MALRD1: variants seen among roughly 807,000 people sequenced by gnomAD.
The protein encoded by MALRD1 is MAM and LDL receptor class A domain containing 1, also known as MAM and LDL-receptor class A domain-containing protein 1.
In MALRD1, 247 loss-of-function variants were observed where a neutral mutation model predicts 242.1. The ratio of observed to expected loss-of-function variants is 1.02; its 90% CI spans 0.92 to 1.13. The LOEUF (loss-of-function observed/expected upper bound fraction) is 1.13. Ranked by LOEUF, MALRD1 falls within the 50% of genes most tolerant of loss-of-function variation. The pLI, the probability that MALRD1 is intolerant of heterozygous loss-of-function variation, is 0.00. For missense variants in MALRD1, 2,989 were observed against 2,533.1 expected, an observed-to-expected ratio of 1.18 and a Z score of -3.86; for synonymous variants, 995 against 866.6, an observed-to-expected ratio of 1.15 and a Z score of -2.60.
chr10:19,141,258 C>T (rs1350216655), intron 10 of MALRD1, among the ~76,000 whole-genome samples: 3 of 152,104 alleles, frequency 2.0e-5, no homozygotes, highest in East Asian at 1.9e-4. Context: ...ACCTTGAAGA[C>T]GTTAAGTGAA....
intron 36 of MALRD1, among the ~76,000 whole-genome samples, chr10:19,640,906 T>G (rs1840355435): frequency 1.3e-5 from 2 of 152,156 alleles, no homozygotes; most frequent in South Asian, 4.1e-4. Context: ...ATAATGGAGT[T>G]TTGTATATGA....
At chr10:19,078,093 C>T (rs978412765) in intron 2 of MALRD1, among the ~76,000 whole-genome samples, 9 of 151,598 alleles carry the variant, frequency 5.9e-5, no homozygotes, top group Admixed American at 2.6e-4. Context: ...TAAACGTCAG[C>T]TATTATCATT....
rs1022963865 is a variant in MALRD1, at chr10:19,387,603, A to G, written c.4517A>G (p.Asp1506Gly). Residue 1506 changes from aspartate (D) to glycine (G), a missense_variant, in exon 27 of 40, where the codon GAT (aspartate) becomes GGT (glycine). By Grantham distance (94) the Asp-to-Gly change is moderately conservative. Coordinates refer to ENST00000454679, the MANE Select transcript of MALRD1 (RefSeq NM_001142308.3). ...YRLEQSCNFV[D>G]NCGDNTDENE... ...CTGGAACAAAGCTGTAACTTCGTAG[A>G]TAACTGTGGAGATAATACTGATGAA... 1.3e-6 allele frequency: 2 copies of G among 1,550,422 alleles called. No homozygotes were observed. The highest frequency in any genetic ancestry group is 1.7e-6 in the Non-Finnish European group (2 of 1,146,890).
intron 38 of MALRD1, among the ~76,000 whole-genome samples, chr10:19,724,057 C>T (rs1373959543): frequency 6.6e-6 from 1 of 152,032 alleles, no homozygotes; most frequent in Non-Finnish European, 1.5e-5. Context: ...GACTCTGTCT[C>T]TAAAAATAAA....
chr10:19,432,175 T>C (rs2496098), intron 28 of MALRD1, among the ~76,000 whole-genome samples: 94,002 of 151,964 alleles, frequency 0.62, 29,269 homozygotes, highest in Middle Eastern at 0.7. Context: ...ATAACTTTGT[T>C]AGAGCAATGA....
At position 19,057,174 on chromosome 10, in the gene MALRD1, C is replaced by T. The variant is rs185338884; in HGVS notation, c.199+8037C>T. Among the ~76,000 whole-genome samples, 19 of 152,238 alleles carry T rather than the reference C, an allele frequency of 1.2e-4. 1 individual carries two copies. The East Asian group carries it at 3.1e-3, about 25-fold the overall frequency. On this transcript the variant is annotated intron_variant, in intron 1 of 39. Transcript: ENST00000454679. The stretch of plus-strand genomic sequence containing the variant: ...CCATCTGGCTTTATTATCAAGGTAA[C>T]GCTGGTCTCATAAAATGACTTTTTA...
At chr10:19,171,654 ATGTCTATGTG>A (rs1834961438) in intron 13 of MALRD1, among the ~76,000 whole-genome samples, 1 of 126,340 alleles carries the variant, frequency 7.9e-6, no homozygotes, top group Non-Finnish European at 1.7e-5. Context: ...ACACATATAT[ATGTCTATGTG>A]TGTATATAAA....
chr10:19,194,460 T>TG (rs771603811), intron 14 of MALRD1, among the ~76,000 whole-genome samples: 55 of 152,314 alleles, frequency 3.6e-4, no homozygotes, highest in South Asian at 6.2e-4. Context: ...CAGGCAGCCT[T>TG]GATTTCTTCA....
At chr10:19,385,298 G>C (rs1448892215) in intron 26 of MALRD1, among the ~76,000 whole-genome samples, 1 of 151,922 alleles carries the variant, frequency 6.6e-6, no homozygotes, top group Admixed American at 6.6e-5. Context: ...TCAATTTTTT[G>C]GAAGAGTTTG....
intron 36 of MALRD1, among the ~76,000 whole-genome samples, chr10:19,642,198 A>G (rs1434439365): frequency 6.6e-6 from 1 of 152,178 alleles, no homozygotes; most frequent in Non-Finnish European, 1.5e-5. Flanking sequence ...TAGAAACCAG[A>G]TGACAGACTA....
intron 8 of MALRD1, among the ~76,000 whole-genome samples, chr10:19,129,558 C>G (rs891714408): frequency 2.6e-5 from 4 of 151,976 alleles, no homozygotes; most frequent in Non-Finnish European, 5.9e-5. Flanking sequence ...CCCCTCTCTT[C>G]TTCCCCAAAG....
chr10:19,402,636 C>CA (rs1333615783), intron 28 of MALRD1, among the ~76,000 whole-genome samples: 11 of 151,708 alleles, frequency 7.3e-5, no homozygotes, highest in Admixed American at 4.6e-4. Flanking sequence ...TACCCTATCT[C>CA]CAAAAAAATG....
At chr10:19,094,420 A>G (rs918268290) in intron 4 of MALRD1, among the ~76,000 whole-genome samples, 3 of 146,482 alleles carry the variant, frequency 2.0e-5, no homozygotes, top group African/African-American at 7.7e-5. Context: ...TGCGCTTCCC[A>G]GGTGAGGCAA....
At chr10:19,195,674 C>T (rs560302862) in intron 14 of MALRD1, among the ~76,000 whole-genome samples, 1 of 152,262 alleles carries the variant, frequency 6.6e-6, no homozygotes, top group South Asian at 2.1e-4. Context: ...ACTTTGTACT[C>T]ATCTTTAACT....
At chr10:19,231,276 A>G (rs556502239) in intron 18 of MALRD1, among the ~76,000 whole-genome samples, 1 of 152,222 alleles carries the variant, frequency 6.6e-6, no homozygotes, top group Admixed American at 6.5e-5. Context: ...CTCACATCTC[A>G]ACTCCCTTTA....
At chr10:19,051,756 A>G (rs946212517) in intron 1 of MALRD1, 3 of 156,984 alleles carry the variant, frequency 1.9e-5, no homozygotes, top group Admixed American at 6.5e-5. Flanking sequence ...CCCCGTCTCT[A>G]TTAAAAATAC....
intron 18 of MALRD1, among the ~76,000 whole-genome samples, chr10:19,251,892 A>T (rs947800678): frequency 2.0e-5 from 3 of 151,876 alleles, no homozygotes; most frequent in African/African-American, 7.3e-5. Context: ...GTTGTTTAAA[A>T]GTGTGTTGCA....
chr10:19,582,027 G>C (rs1837153348), intron 33 of MALRD1, among the ~76,000 whole-genome samples: 1 of 152,170 alleles, frequency 6.6e-6, no homozygotes, highest in Non-Finnish European at 1.5e-5. Flanking sequence ...CTTCTTTTGA[G>C]AAGTGTCTGT....
intron 24 of MALRD1, among the ~76,000 whole-genome samples, chr10:19,338,895 A>G (rs1371632018): frequency 2.0e-5 from 3 of 150,088 alleles, no homozygotes; most frequent in Non-Finnish European, 4.4e-5. Flanking sequence ...GCACATATAT[A>G]CATATATTAT....
Sources: gnomAD v4.1 joint callset for allele counts (sites outside exome capture counted in the v4.1 genomes callset) on GRCh38, gnomAD v4.1.1 for gene constraint, MANE v1.5 for transcripts, NCBI Gene and HGNC (gene_info 2026-07-23, HGNC 2026-07-21) for gene names.